NSMCE2: variants seen among roughly 807,000 people sequenced by gnomAD.
NSMCE2 encodes the protein NSE2 SUMO ligase component of SMC5/6 complex.
Under a neutral mutation model 23.8 loss-of-function variants are expected in NSMCE2, and 24 were observed. That is an observed-to-expected ratio of 1.01 (90% CI 0.73 to 1.42). The LOEUF (loss-of-function observed/expected upper bound fraction) is 1.42, where lower values mean the gene tolerates loss of function less well. Ranked by LOEUF, NSMCE2 falls within the 40% of genes most tolerant of loss-of-function variation. The probability of loss-of-function intolerance (pLI) is 0.00; values close to 1 mark genes in which losing one functional copy is unlikely to be tolerated. For synonymous variants in NSMCE2, 92 were observed against 94.1 expected, an observed-to-expected ratio of 0.98 and a Z score of 0.13; for missense variants, 284 against 296.5, an observed-to-expected ratio of 0.96 and a Z score of 0.31.
intron 4 of NSMCE2, among the ~76,000 whole-genome samples, chr8:125,162,615 T>TA (rs1233647198): frequency 6.6e-6 from 1 of 152,100 alleles, no homozygotes; most frequent in Non-Finnish European, 1.5e-5. Flanking sequence ...ATTTCTTGAT[T>TA]AAAAAAATGA....
At chr8:125,122,800 C>T (rs888547698) in intron 3 of NSMCE2, among the ~76,000 whole-genome samples, 3 of 152,132 alleles carry the variant, frequency 2.0e-5, no homozygotes, top group African/African-American at 7.2e-5. Context: ...AAGGTATTCT[C>T]ACCACTAGAT....
chr8:125,285,860 C>T (rs1423461383), intron 5 of NSMCE2, among the ~76,000 whole-genome samples: 1 of 151,974 alleles, frequency 6.6e-6, no homozygotes, highest in African/African-American at 2.4e-5. Flanking sequence ...GATGAGGTAA[C>T]TGAAGCTTGG....
chr8:125,149,180 A>G (rs1255316274), intron 3 of NSMCE2, among the ~76,000 whole-genome samples: 1 of 151,930 alleles, frequency 6.6e-6, no homozygotes, highest in African/African-American at 2.4e-5. Flanking sequence ...TAAACATTAC[A>G]CCCTCCCCTG....
chr8:125,187,678 A>G (rs1563706497), intron 5 of NSMCE2, among the ~76,000 whole-genome samples: 1 of 152,194 alleles, frequency 6.6e-6, no homozygotes, highest in Non-Finnish European at 1.5e-5. Context: ...CAGCAAAGGC[A>G]GAAATTGAGG....
At chr8:125,167,391 G>A (rs191479920) in intron 4 of NSMCE2, among the ~76,000 whole-genome samples, 2 of 152,272 alleles carry the variant, frequency 1.3e-5, no homozygotes, top group Non-Finnish European at 2.9e-5. Context: ...TCAAGGCCCG[G>A]CATGGTGGTT....
At chr8:125,189,430 G>A (rs1333603868) in intron 5 of NSMCE2, among the ~76,000 whole-genome samples, 1 of 152,192 alleles carries the variant, frequency 6.6e-6, no homozygotes, top group Non-Finnish European at 1.5e-5. Context: ...GCTTATGAAA[G>A]GTTTAAGGCT....
chr8:125,229,779 T>C (rs928694041), intron 5 of NSMCE2, among the ~76,000 whole-genome samples: 1 of 152,162 alleles, frequency 6.6e-6, no homozygotes, highest in Non-Finnish European at 1.5e-5. Flanking sequence ...ATTGTTTTAG[T>C]GTTTTATTAT....
chr8:125,288,414 C>G (rs915504600), intron 5 of NSMCE2, among the ~76,000 whole-genome samples: 1 of 152,088 alleles, frequency 6.6e-6, no homozygotes, highest in Non-Finnish European at 1.5e-5. Context: ...TTAGACTAAC[C>G]CCCTTCCTTC....
At position 125,334,772 on chromosome 8, in the gene NSMCE2, C is replaced by CT. The variant is rs34213706; in HGVS notation, c.419-22419dup. On this transcript the variant is annotated intron_variant, in intron 5 of 7. Transcript: ENST00000287437. Reference sequence around the variant, plus strand: ...CAAAAAAGATTATGAAGTATCTTTTCTTTTTTTTTTTTTTTTTTTTTTTTT... The same window carrying CT: ...CAAAAAAGATTATGAAGTATCTTTTCTTTTTTTTTTTTTTTTTTTTTTTTTT... Among the ~76,000 whole-genome samples, 167 of 55,884 alleles carry CT rather than the reference C, an allele frequency of 3.0e-3. 17 individuals carry two copies. Among genetic ancestry groups the CT allele is most frequent in the South Asian group, 8.0e-3 (10 of 1,246 alleles). 36.7% of individuals were successfully genotyped at this position (55,884 alleles called of 152,430 possible).
Position 125,280,480 on chromosome 8 carries a change from T to A in NSMCE2, c.419-76739T>A, listed in dbSNP as rs545054544. ...TACTGTCCTCTGTGCAAACTGCTTATTTGAAGCAATAAAGCTGAGTTGACT... is the reference window on the plus strand; with the variant it reads ...TACTGTCCTCTGTGCAAACTGCTTAATTGAAGCAATAAAGCTGAGTTGACT... On this transcript the variant is annotated intron_variant, in intron 5 of 7. Coordinates refer to ENST00000287437, the MANE Select transcript of NSMCE2 (RefSeq NM_173685.4). 3.3e-3 allele frequency among the ~76,000 whole-genome samples: 505 copies of A among 152,370 alleles called. 5 individuals carry two copies. Among genetic ancestry groups the A allele is most frequent in the African/African-American group, 0.012 (484 of 41,596 alleles).
intron 5 of NSMCE2, among the ~76,000 whole-genome samples, chr8:125,321,510 A>G (rs998302140): frequency 6.6e-6 from 1 of 152,238 alleles, no homozygotes; most frequent in Non-Finnish European, 1.5e-5. Context: ...AAAACTGAAG[A>G]ATAGAAAATA....
At chr8:125,309,039 G>A (rs1301674068) in intron 5 of NSMCE2, among the ~76,000 whole-genome samples, 1 of 152,062 alleles carries the variant, frequency 6.6e-6, no homozygotes, top group African/African-American at 2.4e-5. Context: ...GAGGTCAAGA[G>A]TTCAAGACCA....
At chr8:125,259,652 A>G (rs551427595) in intron 5 of NSMCE2, among the ~76,000 whole-genome samples, 1 of 152,308 alleles carries the variant, frequency 6.6e-6, no homozygotes, top group African/African-American at 2.4e-5. Context: ...GCAACATCTT[A>G]CCCTGTGGCC....
chr8:125,209,734 C>G (rs1026023273), intron 5 of NSMCE2, among the ~76,000 whole-genome samples: 16 of 152,220 alleles, frequency 1.1e-4, no homozygotes, highest in African/African-American at 3.6e-4. Flanking sequence ...TACTGTCTAA[C>G]TTAATTGCTA....
At chr8:125,150,561 T>C (rs1047182376) in intron 3 of NSMCE2, among the ~76,000 whole-genome samples, 8 of 151,550 alleles carry the variant, frequency 5.3e-5, no homozygotes, top group African/African-American at 1.9e-4. Context: ...TTCTGTATTT[T>C]AATAGAGACT....
At chr8:125,221,336 C>T (rs1352218966) in intron 5 of NSMCE2, among the ~76,000 whole-genome samples, 1 of 152,228 alleles carries the variant, frequency 6.6e-6, no homozygotes, top group Non-Finnish European at 1.5e-5. Context: ...GCCTCAACTT[C>T]CCTCACTCAG....
At chr8:125,185,347 C>T (rs1256459174) in intron 5 of NSMCE2, among the ~76,000 whole-genome samples, 1 of 151,852 alleles carries the variant, frequency 6.6e-6, no homozygotes, top group African/African-American at 2.4e-5. Context: ...CGCTTTGTTA[C>T]CCAGGCTGGA....
intron 5 of NSMCE2, among the ~76,000 whole-genome samples, chr8:125,284,570 T>G (rs996759867): frequency 2.6e-5 from 4 of 152,228 alleles, no homozygotes; most frequent in Admixed American, 2.0e-4. Flanking sequence ...CTCTGATTTC[T>G]CACATTTTCA....
At chr8:125,329,742 T>C (rs576176947) in intron 5 of NSMCE2, among the ~76,000 whole-genome samples, 13 of 152,340 alleles carry the variant, frequency 8.5e-5, no homozygotes, top group Middle Eastern at 3.4e-3. Flanking sequence ...TTTACCTCTC[T>C]GGACCTCGGT....
Sources: allele counts gnomAD v4.1 joint callset (sites outside exome capture counted in the v4.1 genomes callset), GRCh38; gene constraint gnomAD v4.1.1; transcripts MANE v1.5; gene names NCBI Gene and HGNC (gene_info 2026-07-23, HGNC 2026-07-21).